The following LIPH variants were observed in gnomAD, a reference collection of about 807,000 sequenced individuals.
LIPH encodes lipase H.
LIPH carries 32 observed loss-of-function variants against 47.6 expected under a neutral mutation model. The observed-to-expected ratio is 0.67, with a 90% CI of 0.51 to 0.90. The LOEUF (loss-of-function observed/expected upper bound fraction) is 0.90. Among genes scored for constraint, LIPH ranks in the 40% least tolerant of loss-of-function variants. The probability of loss-of-function intolerance (pLI) is 0.00; values close to 1 mark genes in which losing one functional copy is unlikely to be tolerated. For missense variants in LIPH, 497 were observed against 541.4 expected, an observed-to-expected ratio of 0.92 and a Z score of 0.81; for synonymous variants, 190 against 195.6, an observed-to-expected ratio of 0.97 and a Z score of 0.24.
intron 1 of LIPH, among the ~76,000 whole-genome samples, chr3:185,547,817 C>G (rs538109485): frequency 6.7e-6 from 1 of 148,574 alleles, no homozygotes; most frequent in South Asian, 2.1e-4. Context: ...AAGAGCAAAA[C>G]TCCATCTCCA....
At chr3:185,535,174 T>C in intron 1 of LIPH, 42 bp from the exon 2 acceptor site, 1 of 1,608,066 alleles carries the variant, frequency 6.2e-7, no homozygotes, top group Admixed American at 1.7e-5. Flanking sequence ...GGTCTTTCCT[T>C]AGCTGGGCAT....
chr3:185,510,823 T>A (rs1719538896), intron 9 of LIPH, among the ~76,000 whole-genome samples: 1 of 152,198 alleles, frequency 6.6e-6, no homozygotes, highest in African/African-American at 2.4e-5. Flanking sequence ...TTTCTGTACC[T>A]TTTTTTATAC....
At chr3:185,532,610 C>T (rs186112195) in intron 3 of LIPH, among the ~76,000 whole-genome samples, 3 of 151,820 alleles carry the variant, frequency 2.0e-5, no homozygotes, top group South Asian at 2.1e-4. Context: ...GCCAACATGG[C>T]GAAACAATGT....
At chr3:185,513,707 G>T (rs1719639091) in intron 8 of LIPH, among the ~76,000 whole-genome samples, 1 of 152,122 alleles carries the variant, frequency 6.6e-6, no homozygotes, top group Admixed American at 6.6e-5. Context: ...TAAACAAAAT[G>T]TGGTATATGC....
At chr3:185,522,687 A>AAAGAAAGG (rs2148952107) in intron 5 of LIPH, among the ~76,000 whole-genome samples, 1 of 97,958 alleles carries the variant, frequency 1.0e-5, no homozygotes, top group South Asian at 4.0e-4. Flanking sequence ...AGAAAGAAAG[A>AAAGAAAGG]AAGAAAGAAA....
chr3:185,514,983 G>A (rs1432371379), intron 7 of LIPH, among the ~76,000 whole-genome samples: 1 of 152,006 alleles, frequency 6.6e-6, no homozygotes, highest in Non-Finnish European at 1.5e-5. Flanking sequence ...CACTGTGAAG[G>A]CTCCTGGGCC....
intron 4 of LIPH, among the ~76,000 whole-genome samples, chr3:185,526,596 AAAAT>A (rs1178052889): frequency 1.4e-5 from 2 of 138,390 alleles, no homozygotes; most frequent in African/African-American, 5.5e-5. Context: ...AAAATAAAAT[AAAAT>A]AAAATAAAAA....
chr3:185,544,924 C>T (rs1396899609), intron 1 of LIPH, among the ~76,000 whole-genome samples: 1 of 143,758 alleles, frequency 7.0e-6, no homozygotes, highest in Non-Finnish European at 1.5e-5. Flanking sequence ...GCCACCACAC[C>T]CGGCCTCATT....
At chr3:185,519,389 C>G in intron 5 of LIPH, 80 bp from the exon 6 acceptor site, 1 of 866,582 alleles carries the variant, frequency 1.2e-6, no homozygotes, top group Non-Finnish European at 2.0e-6. Context: ...TATACACACA[C>G]AATTTCTCAT....
Position 185,534,821 on chromosome 3 carries a change from A to G in LIPH, c.361T>C (p.Ser121Pro), listed in dbSNP as rs201061198. The change falls in exon 2 of 10, where the codon TCT (serine) becomes CCT (proline). Residue 121 changes from serine to proline, a missense_variant. Transcript: ENST00000296252. ...GATTLIYTHA[S>P]SKTRKVAMVL... ...ATGGCTACTTTTCTGGTCTTACTAG[A>G]GGCATGGGTATATATTAAAGTTGTA... The G allele has an allele frequency of 1.2e-6, 2 of 1,613,702 alleles. No individual in the cohort carries two copies. Among genetic ancestry groups the G allele is most frequent in the African/African-American group, 2.7e-5 (2 of 75,032 alleles).
In LIPH at chr3:185,544,350, T is replaced by G. The variant is rs111779959; in HGVS notation, c.49+8073A>C. On this transcript the variant is annotated intron_variant, in intron 1 of 9. Transcript: ENST00000296252. ...AATTTTCCTCTGTTGTTTTTTTTTG[T>G]TTTGTTTTGTTTTGTTTTTTGAGAT... is the stretch of plus-strand genomic sequence containing the variant. Among the ~76,000 whole-genome samples, 855 of 151,000 alleles carry G rather than the reference T, an allele frequency of 5.7e-3. 5 individuals carry two copies. Among genetic ancestry groups the G allele is most frequent in the African/African-American group, 0.019 (761 of 41,132 alleles).
chr3:185,533,629 T>C lies in LIPH; in HGVS notation c.468A>G (p.Gly156=). 6.2e-7 allele frequency: 1 copy of C among 1,614,052 alleles called. No individual in the cohort carries two copies. The highest frequency in any genetic ancestry group is 8.5e-7 in the Non-Finnish European group (1 of 1,179,922). The change falls in exon 3 of 10, where the codon GGA becomes GGG. Residue 156 remains glycine (G), a synonymous_variant. Transcript: ENST00000296252. ...CTCCAACAAACCCAGATATGTGGGCTCCTAGACTTACTCCGATCATGTAAA... is the reference window on the plus strand; with the variant it reads ...CTCCAACAAACCCAGATATGTGGGCCCCTAGACTTACTCCGATCATGTAAA... ...DDIYMIGVSL[G]AHISGFVGEM...
At chr3:185,521,054 T>A (rs1199599844) in intron 5 of LIPH, among the ~76,000 whole-genome samples, 2 of 151,922 alleles carry the variant, frequency 1.3e-5, no homozygotes, top group Non-Finnish European at 2.9e-5. Context: ...TTTTAGTAGA[T>A]ACAGGGTTTC....
Position 185,524,052 on chromosome 3 carries a change from A to G in LIPH, c.718+19T>C. On this transcript the variant is annotated intron_variant, in intron 5 of 9. Transcript: ENST00000296252. ...ATATGCCTTTTTATACCACTATTTT[A>G]CAAAATATAAAGGCTTACCTCCCAA... 1 of 1,570,686 alleles carries G rather than the reference A, an allele frequency of 6.4e-7. No homozygotes were observed. The highest frequency in any genetic ancestry group is 2.2e-5 in the East Asian group (1 of 44,642).
intron 1 of LIPH, among the ~76,000 whole-genome samples, chr3:185,551,233 A>G (rs1721040147): frequency 6.6e-6 from 1 of 152,224 alleles, no homozygotes; most frequent in Admixed American, 6.5e-5. Flanking sequence ...TCAGTTAAAA[A>G]TATCATCATT....
chr3:185,511,113 G>A (rs1719548003), intron 9 of LIPH, among the ~76,000 whole-genome samples: 1 of 151,984 alleles, frequency 6.6e-6, no homozygotes, highest in Non-Finnish European at 1.5e-5. Flanking sequence ...GCCCAGGCTG[G>A]ACTTCAACTC....
chr3:185,547,380 T>TA (rs1372154243), intron 1 of LIPH, among the ~76,000 whole-genome samples: 1 of 152,202 alleles, frequency 6.6e-6, no homozygotes, highest in Non-Finnish European at 1.5e-5. Context: ...ACTGCTTTTT[T>TA]ATCTCGAGTT....
chr3:185,531,720 T>TA (rs1473569603), intron 3 of LIPH, among the ~76,000 whole-genome samples: 2 of 151,866 alleles, frequency 1.3e-5, no homozygotes, highest in Non-Finnish European at 2.9e-5. Flanking sequence ...ATCACTAAAT[T>TA]AAAAAAATTA....
intron 1 of LIPH, among the ~76,000 whole-genome samples, chr3:185,545,734 G>A (rs1003340138): frequency 2.0e-5 from 3 of 151,842 alleles, no homozygotes; most frequent in Non-Finnish European, 4.4e-5. Flanking sequence ...AAAAAAACAC[G>A]TCTTTGGAAA....
Sources: gnomAD v4.1 joint callset for allele counts (sites outside exome capture counted in the v4.1 genomes callset) on GRCh38, gnomAD v4.1.1 for gene constraint, MANE v1.5 for transcripts, NCBI Gene and HGNC (gene_info 2026-07-23, HGNC 2026-07-21) for gene names.